The following ZNF704 variants were observed in gnomAD, a reference collection of about 807,000 sequenced individuals.
ZNF704 encodes the protein zinc finger protein 704.
A neutral mutation model predicts 44.7 loss-of-function variants in ZNF704; 10 were observed. The observed-to-expected ratio is 0.22, with a 90% CI of 0.14 to 0.38. ZNF704 has a LOEUF of 0.38. ZNF704 is among the 10% of genes least tolerant of loss of function. The pLI, the probability that ZNF704 is intolerant of heterozygous loss-of-function variation, is 1.00. For missense variants in ZNF704, 390 were observed against 545.5 expected, an observed-to-expected ratio of 0.71 and a Z score of 2.84; for synonymous variants, 211 against 207.6, an observed-to-expected ratio of 1.02 and a Z score of -0.14.
intron 2 of ZNF704, among the ~76,000 whole-genome samples, chr8:80,759,461 C>T (rs141100234): frequency 0.019 from 2,958 of 152,148 alleles, 40 homozygotes; most frequent in Middle Eastern, 0.034. Flanking sequence ...TGTGGCAGGA[C>T]CTACGACTTG....
chr8:80,693,974 G>A (rs1159806758), intron 2 of ZNF704, among the ~76,000 whole-genome samples: 1 of 152,142 alleles, frequency 6.6e-6, no homozygotes, highest in African/African-American at 2.4e-5. Context: ...TAGGAGTCCA[G>A]GCGAGCTTGG....
intron 2 of ZNF704, among the ~76,000 whole-genome samples, chr8:80,755,941 A>T (rs1807027028): frequency 6.9e-6 from 1 of 144,176 alleles, no homozygotes; most frequent in Admixed American, 6.9e-5. Context: ...CCCATCTCTT[A>T]AAAAAAAAAA....
chr8:80,727,177 T>C (rs754352306), intron 2 of ZNF704, among the ~76,000 whole-genome samples: 50 of 152,174 alleles, frequency 3.3e-4, no homozygotes, highest in African/African-American at 1.1e-3. Context: ...AGAGATTAAA[T>C]AAAGATACTC....
chr8:80,659,332 A>C (rs903526737), intron 7 of ZNF704, among the ~76,000 whole-genome samples: 8 of 152,208 alleles, frequency 5.3e-5, no homozygotes, highest in Non-Finnish European at 1.2e-4. Flanking sequence ...AACACACAAA[A>C]AATCTTGATA....
At chr8:80,832,338 CA>C (rs969281890) in intron 1 of ZNF704, among the ~76,000 whole-genome samples, 2 of 152,084 alleles carry the variant, frequency 1.3e-5, no homozygotes, top group African/African-American at 4.8e-5. Flanking sequence ...CTTCTTGATA[CA>C]AAAACATCTG....
chr8:80,727,274 A>C (rs1335216822), intron 2 of ZNF704, among the ~76,000 whole-genome samples: 2 of 152,164 alleles, frequency 1.3e-5, no homozygotes, highest in Non-Finnish European at 2.9e-5. Context: ...CAGACTTACG[A>C]TCGGCTCAGA....
At chr8:80,696,792 A>C (rs1818733848) in intron 2 of ZNF704, among the ~76,000 whole-genome samples, 1 of 152,220 alleles carries the variant, frequency 6.6e-6, no homozygotes, top group South Asian at 2.1e-4. Flanking sequence ...CCTAAACACA[A>C]AATTGATTTA....
chr8:80,843,955 A>G (rs1158109103), intron 1 of ZNF704, among the ~76,000 whole-genome samples: 3 of 139,612 alleles, frequency 2.1e-5, no homozygotes, highest in Non-Finnish European at 3.1e-5. Context: ...ATGTATATAT[A>G]TGTGTATATA....
chr8:80,826,222 A>G lies in ZNF704; in HGVS notation c.-21-4607T>C, dbSNP rs541256640. On this transcript the variant is annotated intron_variant, in intron 1 of 8. Transcript: ENST00000327835. ...GAAAAGAGAGAAGAATCAAATAGACACAATAAAAAATCATAAAGGAGATAT... is the reference window on the plus strand; with the variant it reads ...GAAAAGAGAGAAGAATCAAATAGACGCAATAAAAAATCATAAAGGAGATAT... 2.4e-3 allele frequency among the ~76,000 whole-genome samples: 359 copies of G among 152,224 alleles called. 2 individuals are homozygous for G. Among genetic ancestry groups the G allele is most frequent in the African/African-American group, 8.0e-3 (333 of 41,540 alleles).
intron 2 of ZNF704, among the ~76,000 whole-genome samples, chr8:80,780,195 G>A (rs1807494112): frequency 6.6e-6 from 1 of 152,160 alleles, no homozygotes; most frequent in African/African-American, 2.4e-5. Context: ...CAAGGTACAT[G>A]GAGGGAAGAA....
chr8:80,653,277 C>G (rs1585924992), intron 7 of ZNF704, among the ~76,000 whole-genome samples: 1 of 152,128 alleles, frequency 6.6e-6, no homozygotes, highest in Non-Finnish European at 1.5e-5. Context: ...GATGCCCTCT[C>G]TCACCACTCC....
In ZNF704 at chr8:80,630,173, G is replaced by T. The variant is rs1294068204; in HGVS notation, c.*11193C>A. 1 of 152,164 alleles carries T rather than the reference G, an allele frequency of 6.6e-6. No homozygotes were observed. Among genetic ancestry groups the T allele is most frequent in the Non-Finnish European group, 1.5e-5 (1 of 68,020 alleles). The allele number at this position is 152,164 out of a possible 1,614,324, so 9.4% of individuals were successfully genotyped here. On this transcript the variant is annotated 3_prime_UTR_variant, in exon 9 of 9. Coordinates refer to ENST00000327835, the MANE Select transcript of ZNF704 (RefSeq NM_001033723.3). ...CGATACAAAATACATGCTACTCTTT[G>T]AAAATGCATAGTTTATAATTTTATA...
chr8:80,757,566 G>A (rs1300907407), intron 2 of ZNF704, among the ~76,000 whole-genome samples: 1 of 152,054 alleles, frequency 6.6e-6, no homozygotes, highest in African/African-American at 2.4e-5. Flanking sequence ...TAAGTGTACA[G>A]TGTTTATAGA....
intron 7 of ZNF704, among the ~76,000 whole-genome samples, chr8:80,643,614 CA>C (rs1224057245): frequency 1.3e-5 from 2 of 150,888 alleles, no homozygotes; most frequent in Non-Finnish European, 2.9e-5. Context: ...CTGCTCATGG[CA>C]GAATTAAAAT....
chr8:80,748,816 C>G (rs866874280), intron 2 of ZNF704, among the ~76,000 whole-genome samples: 1 of 152,162 alleles, frequency 6.6e-6, no homozygotes, highest in African/African-American at 2.4e-5. Context: ...GTTACTAGTT[C>G]TGAGACATGT....
intron 7 of ZNF704, among the ~76,000 whole-genome samples, chr8:80,656,552 T>C (rs1424378373): frequency 6.6e-6 from 1 of 152,182 alleles, no homozygotes; most frequent in Non-Finnish European, 1.5e-5. Flanking sequence ...TACAAAAGAC[T>C]GAACTTCCAG....
At chr8:80,680,781 G>C (rs190730439) in intron 4 of ZNF704, among the ~76,000 whole-genome samples, 3 of 152,132 alleles carry the variant, frequency 2.0e-5, no homozygotes, top group Non-Finnish European at 4.4e-5. Context: ...TGTAAGATGA[G>C]GGGACTGAAT....
At chr8:80,723,143 G>A (rs1040746004) in intron 2 of ZNF704, among the ~76,000 whole-genome samples, 4 of 152,016 alleles carry the variant, frequency 2.6e-5, no homozygotes, top group African/African-American at 9.7e-5. Context: ...CCATTAAAAA[G>A]GGAATAAAAT....
chr8:80,721,137 C>T (rs1347619412), intron 2 of ZNF704, among the ~76,000 whole-genome samples: 4 of 152,186 alleles, frequency 2.6e-5, no homozygotes, highest in African/African-American at 9.7e-5. Context: ...TCAGCACTGT[C>T]TCCTATGCTC....
Sources: gnomAD v4.1 joint callset for allele counts (sites outside exome capture counted in the v4.1 genomes callset) on GRCh38, gnomAD v4.1.1 for gene constraint, MANE v1.5 for transcripts, NCBI Gene and HGNC (gene_info 2026-07-23, HGNC 2026-07-21) for gene names.